The following MAP9 variants were observed in gnomAD, a reference collection of about 807,000 sequenced individuals.
MAP9 encodes microtubule-associated protein 9.
In MAP9, 80 loss-of-function variants were observed where a neutral mutation model predicts 75.2. That is an observed-to-expected ratio of 1.06 (90% CI 0.89 to 1.28). The LOEUF (loss-of-function observed/expected upper bound fraction) is 1.28. MAP9 is among the 50% of genes most tolerant of loss of function. MAP9 has a pLI of 0.00. For missense variants in MAP9, 753 were observed against 719.9 expected, an observed-to-expected ratio of 1.05 and a Z score of -0.53; for synonymous variants, 235 against 237.3, an observed-to-expected ratio of 0.99 and a Z score of 0.09.
rs1199352140 is a variant in MAP9 at position 155,355,854 on chromosome 4, A to G, written c.1152T>C (p.Ser384=). The part of the protein sequence containing the change: ...RLMTSEFLKK[S]SSKRRTPSTT... ...TCGATGGAGTTCTCCTTTTAGAACTAGATTTCTTCAAAAACTCAGAGGTCA... is the reference window on the plus strand; with the variant it reads ...TCGATGGAGTTCTCCTTTTAGAACTGGATTTCTTCAAAAACTCAGAGGTCA... Residue 384 remains serine (S), a synonymous_variant, in exon 9 of 14, where the codon TCT becomes TCC. Coordinates refer to ENST00000311277, the MANE Select transcript of MAP9 (RefSeq NM_001039580.2). The G allele has an allele frequency of 6.2e-7, 1 of 1,613,224 alleles. No individual in the cohort carries two copies. The highest frequency in any genetic ancestry group is 8.5e-7 in the Non-Finnish European group (1 of 1,179,630).
chr4:155,352,834 C>T, intron 12 of MAP9, 78 bp downstream of exon 12: 1 of 1,420,188 alleles, frequency 7.0e-7, no homozygotes, highest in Non-Finnish European at 9.6e-7. Context: ...TACTAAATTT[C>T]AAGTAAATAA....
chr4:155,347,908 A>G lies in MAP9; in HGVS notation c.1822-3T>C, dbSNP rs1462733950. ...CTTTCTTGTTTTTCCTTATTTTCCTAAAGAGAAAATAGAACACTATAAATT... is the reference window on the plus strand; with the variant it reads ...CTTTCTTGTTTTTCCTTATTTTCCTGAAGAGAAAATAGAACACTATAAATT... On this transcript the variant is annotated splice_region_variant and splice_polypyrimidine_tract_variant and intron_variant, in intron 13 of 13. Coordinates refer to ENST00000311277, the MANE Select transcript of MAP9 (RefSeq NM_001039580.2). The G allele has an allele frequency of 1.4e-6, 2 of 1,472,614 alleles. No individual in the cohort carries two copies. The allele number at this position is 1,472,614 out of a possible 1,614,324, so 91.2% of individuals were successfully genotyped here. A position where few individuals can be genotyped will look rare whatever the true frequency, so the allele number is the denominator to read the frequency against.
intron 5 of MAP9, among the ~76,000 whole-genome samples, chr4:155,364,902 AT>A: frequency 6.6e-6 from 1 of 151,808 alleles, no homozygotes; most frequent in Non-Finnish European, 1.5e-5. Flanking sequence ...GTCAATAATA[AT>A]AAAAAACTAA....
intron 3 of MAP9, among the ~76,000 whole-genome samples, chr4:155,374,559 G>A (rs1464059827): frequency 1.3e-5 from 2 of 152,072 alleles, no homozygotes; most frequent in African/African-American, 2.4e-5. Flanking sequence ...AATGTGCACC[G>A]AAGTTTAGTT....
At position 155,343,230 on chromosome 4, in the gene MAP9, A is replaced by G. The variant is rs920737190; in HGVS notation, c.*4553T>C. 3 of 150,826 alleles carry G rather than the reference A, an allele frequency of 2.0e-5. No individual in the cohort carries two copies. Among genetic ancestry groups the G allele is most frequent in the Non-Finnish European group, 4.4e-5 (3 of 67,642 alleles). The allele number at this position is 150,826 out of a possible 1,614,324, so 9.3% of individuals were successfully genotyped here. Reference sequence around the variant, plus strand: ...CATCATTATATATATATGCATACATATTTGTATATACACACAGATAGCACA... The same window carrying G: ...CATCATTATATATATATGCATACATGTTTGTATATACACACAGATAGCACA... On this transcript the variant is annotated 3_prime_UTR_variant, in exon 14 of 14. Coordinates refer to ENST00000311277, the MANE Select transcript of MAP9 (RefSeq NM_001039580.2).
rs748145350 is a variant in MAP9, at chr4:155,345,439, TTTTTGTTTTG to T, written c.*2334_*2343del. ...CCCTAATACAAGGCATCTTTCTGTT[TTTTTGTTTTG>T]TTTTGTTTTGTTTTGTTTTTTTGAG... On this transcript the variant is annotated 3_prime_UTR_variant, in exon 14 of 14. Coordinates refer to ENST00000311277, the MANE Select transcript of MAP9 (RefSeq NM_001039580.2). 1 of 124,070 alleles carries T rather than the reference TTTTTGTTTTG, an allele frequency of 8.1e-6. No homozygotes were observed. The allele number at this position is 124,070 out of a possible 1,614,324, so 7.7% of individuals were successfully genotyped here. A position where few individuals can be genotyped will look rare whatever the true frequency, so the allele number is the denominator to read the frequency against.
chr4:155,375,907 G>T lies in MAP9; in HGVS notation c.-57C>A. 8.8e-7 allele frequency: 1 copy of T among 1,139,530 alleles called. No homozygotes were observed. The highest frequency in any genetic ancestry group is 1.3e-5 in the South Asian group (1 of 76,582). The allele number at this position is 1,139,530 out of a possible 1,614,324, so 70.6% of individuals were successfully genotyped here. On this transcript the variant is annotated 5_prime_UTR_variant, in exon 2 of 14. Transcript: ENST00000311277. ...AGCTAATTATTAGAATTCAACTTCT[G>T]ATAGTAGCTGAAATATACAAAACAA...
At chr4:155,366,615 A>G (rs1025967251) in intron 5 of MAP9, among the ~76,000 whole-genome samples, 5 of 152,164 alleles carry the variant, frequency 3.3e-5, no homozygotes, top group African/African-American at 7.2e-5. Context: ...CACAAATTAT[A>G]TATGTTAGAA....
chr4:155,348,208 A>G (rs1158971332), intron 13 of MAP9, among the ~76,000 whole-genome samples: 1 of 151,120 alleles, frequency 6.6e-6, no homozygotes, highest in East Asian at 2.0e-4. Context: ...GTGGCGGTGC[A>G]TGCCTATAGT....
At position 155,373,363 on chromosome 4, in the gene MAP9, T is replaced by A; in HGVS notation, c.254A>T (p.Asn85Ile). 3 of 1,610,910 alleles carry A rather than the reference T, an allele frequency of 1.9e-6. No homozygotes were observed. The highest frequency in any genetic ancestry group is 2.5e-6 in the Non-Finnish European group (3 of 1,177,658). Residue 85 changes from asparagine (N) to isoleucine (I), a missense_variant, in exon 4 of 14, where the codon AAT becomes ATT. By Grantham distance (149) the Asn-to-Ile change is moderately radical. Transcript: ENST00000311277. ...TTTCAAAAACAATAGTTTTGAAGGA[T>A]TCTTTTCTTCATCATCTGATATATG... is the stretch of plus-strand genomic sequence containing the variant. The part of the protein sequence containing the change: ...DFHISDDEEK[N>I]PSKLLFLKTN...
intron 10 of MAP9, chr4:155,354,195 A>G (rs1731657312): frequency 6.6e-6 from 1 of 152,138 alleles, no homozygotes; most frequent in East Asian, 1.9e-4. Context: ...TTTTTCTTCT[A>G]AATCTATTTT....
intron 13 of MAP9, among the ~76,000 whole-genome samples, chr4:155,348,723 G>A (rs936816418): frequency 3.3e-5 from 5 of 152,190 alleles, no homozygotes; most frequent in Middle Eastern, 3.4e-3. Context: ...CCATTTAAAT[G>A]TATGGTATTT....
chr4:155,357,200 A>G (rs1232720203), intron 8 of MAP9: 9 of 417,120 alleles, frequency 2.2e-5, no homozygotes, highest in Non-Finnish European at 3.9e-5. Flanking sequence ...CTGGAGAGCA[A>G]AGGTATTGCA....
chr4:155,361,629 G>C (rs962338002), intron 6 of MAP9, among the ~76,000 whole-genome samples: 4 of 151,990 alleles, frequency 2.6e-5, no homozygotes, highest in Non-Finnish European at 5.9e-5. Flanking sequence ...AGAAAGGTTA[G>C]TTACTTTGCT....
intron 3 of MAP9, among the ~76,000 whole-genome samples, chr4:155,373,756 C>T (rs1470221671): frequency 6.6e-6 from 1 of 152,096 alleles, no homozygotes; most frequent in Non-Finnish European, 1.5e-5. Flanking sequence ...ATCCAAAGGT[C>T]CCTAACAATC....
chr4:155,348,386 T>C (rs1040496259), intron 13 of MAP9, among the ~76,000 whole-genome samples: 5 of 151,962 alleles, frequency 3.3e-5, no homozygotes, highest in Non-Finnish European at 7.4e-5. Flanking sequence ...TTAGTAAACA[T>C]TGTCAATTTG....
rs914879272 is a variant in MAP9, at chr4:155,347,667, G to C, written c.*116C>G. 94 of 989,450 alleles carry C rather than the reference G, an allele frequency of 9.5e-5. 1 individual carries two copies. The African/African-American group carries it at 1.6e-3, about 17-fold the overall frequency. The allele number at this position is 989,450 out of a possible 1,614,324, so 61.3% of individuals were successfully genotyped here. ...AGTATTTCTTTCATTGTCAGCAGGA[G>C]TGTCTGGCATTTAATTAAAATATAT... On this transcript the variant is annotated 3_prime_UTR_variant, in exon 14 of 14. Coordinates refer to ENST00000311277, the MANE Select transcript of MAP9 (RefSeq NM_001039580.2).
chr4:155,376,483 C>G (rs1241591887), intron 1 of MAP9: 1 of 152,292 alleles, frequency 6.6e-6, no homozygotes, highest in Non-Finnish European at 1.5e-5. Context: ...GCATTAAAAT[C>G]GCGGTTTCCC....
chr4:155,352,946 T>C lies in MAP9; in HGVS notation c.1654A>G (p.Lys552Glu), dbSNP rs919584702. Residue 552 changes from lysine (K) to glutamate (E), a missense_variant, in exon 12 of 14, where the codon AAA becomes GAA. Transcript: ENST00000311277. Reference protein sequence around the residue: ...KQKEEETVAEKKKDNLTAVEK... With the variant: ...KQKEEETVAEEKKDNLTAVEK... ...ACAGCAGTTAAATTATCTTTCTTTTTCTCGGCAACAGTTTCCTCCTCTTTC... is the reference window on the plus strand; with the variant it reads ...ACAGCAGTTAAATTATCTTTCTTTTCCTCGGCAACAGTTTCCTCCTCTTTC... The C allele has an allele frequency of 6.5e-7, 1 of 1,537,744 alleles. No individual in the cohort carries two copies.
Sources: allele counts gnomAD v4.1 joint callset (sites outside exome capture counted in the v4.1 genomes callset), GRCh38; gene constraint gnomAD v4.1.1; transcripts MANE v1.5; gene names NCBI Gene and HGNC (gene_info 2026-07-23, HGNC 2026-07-21).